Variants in MYL2 observed in about 807,000 individuals in gnomAD.
MYL2 encodes the protein myosin regulatory light chain 2, ventricular/cardiac muscle isoform.
Under a neutral mutation model 23.0 loss-of-function variants are expected in MYL2, and 19 were observed. That is an observed-to-expected ratio of 0.83 (90% CI 0.58 to 1.21). The LOEUF is 1.21. Among genes scored for constraint, MYL2 ranks in the 50% most tolerant of loss-of-function variants. MYL2 has a pLI of 0.00. For missense variants in MYL2, 180 were observed against 215.1 expected (o/e 0.84, Z 1.02); for synonymous variants, 78 against 76.2 (o/e 1.02, Z -0.13).
chr12:110,920,836 G>A (rs904053141), upstream of MYL2: 6 of 530,324 alleles, frequency 1.1e-5, no homozygotes, highest in South Asian at 9.5e-5. Context: ...TGCTTGGGCC[G>A]GGGACACTTG....
chr12:110,917,487 TCAGACAAACAAACAAACAAA>T (rs977438394), intron 2 of MYL2, among the ~76,000 whole-genome samples: 6 of 141,918 alleles, frequency 4.2e-5, no homozygotes, highest in South Asian at 2.3e-4. Flanking sequence ...TCCCATTTAC[TCAGACAAACAAACAAACAAA>T]CAAACAAACA....
At chr12:110,919,323 A>T in intron 1 of MYL2, 130 bp from the exon 2 acceptor site, 1 of 710,762 alleles carries the variant, frequency 1.4e-6, no homozygotes. Context: ...TGGGTACAGC[A>T]TCCACACTCA....
intron 2 of MYL2, among the ~76,000 whole-genome samples, chr12:110,916,389 C>T (rs907878260): frequency 6.6e-6 from 1 of 152,168 alleles, no homozygotes; most frequent in African/African-American, 2.4e-5. Flanking sequence ...ATAGCAGCAT[C>T]GTTCACAGTA....
chr12:110,915,071 A>AT (rs1405334598), intron 3 of MYL2, among the ~76,000 whole-genome samples: 1 of 152,176 alleles, frequency 6.6e-6, no homozygotes, highest in Non-Finnish European at 1.5e-5. Flanking sequence ...AAAATCTGTC[A>AT]TTTTTTAAGC....
At chr12:110,920,351 C>T (rs1219169287) in intron 1 of MYL2, among the ~76,000 whole-genome samples, 176 bp downstream of exon 1, 1 of 152,020 alleles carries the variant, frequency 6.6e-6, no homozygotes, top group Non-Finnish European at 1.5e-5. Flanking sequence ...TATTTGTGGC[C>T]TATCGGGGCA....
In MYL2 at chr12:110,915,799, G is replaced by A. The variant is rs1476443487; in HGVS notation, c.94-9C>T. On this transcript the variant is annotated splice_polypyrimidine_tract_variant and intron_variant, in intron 2 of 6. Transcript: ENST00000228841. ...TCCATGATAGTGAAGGCCTGTGGAA[G>A]GGAAGTGATTGGCAGCTCAGCCTGG... 1.9e-6 allele frequency: 3 copies of A among 1,613,790 alleles called. No homozygotes were observed. The Admixed American group carries it at 5.0e-5, about 27-fold the overall frequency.
At chr12:110,914,130 C>T in intron 4 of MYL2, 56 bp downstream of exon 4, 1 of 1,304,400 alleles carries the variant, frequency 7.7e-7, no homozygotes, top group Non-Finnish European at 1.1e-6. Context: ...CTGCCAGCCC[C>T]CCCGAAGAAA....
At chr12:110,913,412 T>G (rs1028597869) in intron 4 of MYL2, 88 bp from the exon 5 acceptor site, 2 of 1,363,434 alleles carry the variant, frequency 1.5e-6, no homozygotes, top group African/African-American at 1.4e-5. Flanking sequence ...CCCCCAGAGA[T>G]GAAGGGGCCA....
rs2071663484 is a variant in MYL2 at position 110,912,998 on chromosome 12, G to T, written c.402+98C>A. 28 of 1,290,122 alleles carry T rather than the reference G, an allele frequency of 2.2e-5. 1 individual carries two copies. In the South Asian group the frequency reaches 3.2e-4, roughly 15 times the overall value. The allele number at this position is 1,290,122 out of a possible 1,614,324, so 79.9% of individuals were successfully genotyped here. A position where few individuals can be genotyped will look rare whatever the true frequency, so the allele number is the denominator to read the frequency against. ...AGACGATAGCTGGTTCTCTGTCAGT[G>T]TGGGGTCAGGGGTGCTTTAGACGAG... On this transcript the variant is annotated intron_variant, in intron 6 of 6. Coordinates refer to ENST00000228841, the MANE Select transcript of MYL2 (RefSeq NM_000432.4).
At chr12:110,914,411 G>A in intron 3 of MYL2, 121 bp from the exon 4 acceptor site, 1 of 737,020 alleles carries the variant, frequency 1.4e-6, no homozygotes, top group Non-Finnish European at 2.5e-6. Flanking sequence ...CAGAGATGGG[G>A]TGGATGGAGG....
rs981530995 is a variant in MYL2 at position 110,915,565 on chromosome 12, T to C, written c.169+150A>G. ...TCAAAGACTAAACACTTCTTTCCCA[T>C]CCCCTGAAATTTGTCTTAAAGACCA... On this transcript the variant is annotated intron_variant, in intron 3 of 6. Transcript: ENST00000228841. 6.3e-6 allele frequency: 5 copies of C among 789,832 alleles called. No homozygotes were observed. The African/African-American group carries it at 6.8e-5, about 11-fold the overall frequency. 48.9% of individuals were successfully genotyped at this position (789,832 alleles called of 1,614,324 possible).
intron 4 of MYL2, 119 bp from the exon 5 acceptor site, chr12:110,913,443 G>C: frequency 1.0e-6 from 1 of 995,176 alleles, no homozygotes; most frequent in East Asian, 2.4e-5. Context: ...GCTTTGCATG[G>C]AGGAAAAAGA....
rs1196075212 is a variant in MYL2, at chr12:110,914,175, C to T, written c.274+11G>A. On this transcript the variant is annotated intron_variant, in intron 4 of 6. Transcript: ENST00000228841. ...ATACACACAGACACACACACACACA[C>T]ACGACCTTACCCTTAAGTTTCTCCC... The T allele has an allele frequency of 6.2e-7, 1 of 1,600,332 alleles. No homozygotes were observed. The highest frequency in any genetic ancestry group is 1.3e-5 in the African/African-American group (1 of 74,594).
At position 110,914,177 on chromosome 12, in the gene MYL2, C is replaced by G. The variant is rs371405579; in HGVS notation, c.274+9G>C. ...ACACACAGACACACACACACACACA[C>G]GACCTTACCCTTAAGTTTCTCCCCA... On this transcript the variant is annotated intron_variant, in intron 4 of 6. Coordinates refer to ENST00000228841, the MANE Select transcript of MYL2 (RefSeq NM_000432.4). The G allele has an allele frequency of 1.9e-6, 3 of 1,599,706 alleles. No individual in the cohort carries two copies. Among genetic ancestry groups the G allele is most frequent in the Non-Finnish European group, 2.6e-6 (3 of 1,167,044 alleles).
At chr12:110,914,695 T>G (rs896468809) in intron 3 of MYL2, among the ~76,000 whole-genome samples, 1 of 152,060 alleles carries the variant, frequency 6.6e-6, no homozygotes, top group Non-Finnish European at 1.5e-5. Context: ...ATTTTTGTAG[T>G]TTTTTGGACA....
chr12:110,911,862 A>T (rs1028603540), intron 6 of MYL2, among the ~76,000 whole-genome samples: 3 of 152,168 alleles, frequency 2.0e-5, no homozygotes, highest in East Asian at 1.9e-4. Context: ...TATTATTATT[A>T]TTTTTTTAAA....
intron 1 of MYL2, among the ~76,000 whole-genome samples, chr12:110,920,156 G>A (rs927037115): frequency 5.9e-5 from 9 of 152,176 alleles, no homozygotes; most frequent in Non-Finnish European, 1.3e-4. Context: ...TTCAAAAGGT[G>A]AAAACAAAAA....
intron 4 of MYL2, 91 bp from the exon 5 acceptor site, chr12:110,913,415 A>T: frequency 7.6e-7 from 1 of 1,316,462 alleles, no homozygotes; most frequent in Non-Finnish European, 1.1e-6. Flanking sequence ...CCAGAGATGA[A>T]GGGGCCAGAG....
At chr12:110,919,303 C>T in intron 1 of MYL2, 110 bp from the exon 2 acceptor site, 1 of 855,876 alleles carries the variant, frequency 1.2e-6, no homozygotes, top group South Asian at 1.6e-5. Flanking sequence ...AGCTGCCCAT[C>T]TGTGAAATGT....
Sources: allele counts gnomAD v4.1 joint callset (sites outside exome capture counted in the v4.1 genomes callset), GRCh38; gene constraint gnomAD v4.1.1; transcripts MANE v1.5; gene names NCBI Gene and HGNC (gene_info 2026-07-23, HGNC 2026-07-21).